MEI4: variants seen among roughly 807,000 people sequenced by gnomAD.
MEI4 encodes the protein meiotic double-stranded break formation protein 4.
Under a neutral mutation model 31.4 loss-of-function variants are expected in MEI4, and 27 were observed. The ratio of observed to expected loss-of-function variants is 0.86; its 90% confidence interval spans 0.63 to 1.19. MEI4 has a LOEUF of 1.19. MEI4 is among the 50% of genes most tolerant of loss of function. The pLI is 0.00. For synonymous variants in MEI4, 122 were observed against 145.4 expected (o/e 0.84, Z 1.16); for missense variants, 329 against 398.9 (o/e 0.82, Z 1.49).
At chr6:77,776,727 T>C (rs1366761926) in intron 3 of MEI4, among the ~76,000 whole-genome samples, 2 of 152,124 alleles carry the variant, frequency 1.3e-5, no homozygotes, top group Non-Finnish European at 2.9e-5. Flanking sequence ...TCCAATGATA[T>C]GAGTCAGTGC....
At chr6:77,879,562 T>C (rs953754177) in intron 4 of MEI4, among the ~76,000 whole-genome samples, 1 of 152,220 alleles carries the variant, frequency 6.6e-6, no homozygotes, top group Admixed American at 6.5e-5. Context: ...TTCATAACTA[T>C]GGTATGGCAA....
chr6:77,910,378 A>G (rs1000270915), intron 4 of MEI4, among the ~76,000 whole-genome samples: 8 of 152,222 alleles, frequency 5.3e-5, no homozygotes, highest in South Asian at 2.1e-4. Flanking sequence ...TTCAAAATCA[A>G]TGTGCAAAAA....
At chr6:77,837,575 C>T (rs1310921124) in intron 4 of MEI4, among the ~76,000 whole-genome samples, 1 of 152,144 alleles carries the variant, frequency 6.6e-6, no homozygotes, top group Non-Finnish European at 1.5e-5. Context: ...TCTGGCTTGC[C>T]ACCTGCTTTT....
At chr6:77,836,412 T>C (rs1770219985) in intron 4 of MEI4, among the ~76,000 whole-genome samples, 1 of 152,150 alleles carries the variant, frequency 6.6e-6, no homozygotes, top group Non-Finnish European at 1.5e-5. Context: ...AAATTCTACA[T>C]TAAAATAGAT....
chr6:77,922,124 T>C (rs1323211253), intron 4 of MEI4, among the ~76,000 whole-genome samples: 1 of 151,716 alleles, frequency 6.6e-6, no homozygotes, highest in African/African-American at 2.4e-5. Flanking sequence ...TATCTTACTC[T>C]GCTTATTGGG....
chr6:77,844,997 C>T (rs954438631), intron 4 of MEI4, among the ~76,000 whole-genome samples: 5 of 151,992 alleles, frequency 3.3e-5, no homozygotes, highest in African/African-American at 9.7e-5. Flanking sequence ...TTCACTTTCT[C>T]CCATTCACTG....
intron 3 of MEI4, among the ~76,000 whole-genome samples, chr6:77,795,776 A>AAC (rs1195605281): frequency 1.3e-5 from 2 of 151,862 alleles, no homozygotes; most frequent in Non-Finnish European, 2.9e-5. Flanking sequence ...GAAAAAAAAA[A>AAC]AACTCCCAAC....
chr6:77,709,677 A>T (rs1766413370), intron 2 of MEI4, among the ~76,000 whole-genome samples: 2 of 152,222 alleles, frequency 1.3e-5, no homozygotes, highest in African/African-American at 4.8e-5. Flanking sequence ...CTAATAAAAA[A>T]TACCTTCTTT....
At chr6:77,859,329 C>T (rs867584247) in intron 4 of MEI4, among the ~76,000 whole-genome samples, 15 of 152,088 alleles carry the variant, frequency 9.9e-5, no homozygotes, top group Non-Finnish European at 1.9e-4. Flanking sequence ...AATAAACATA[C>T]GTGTGCATGT....
chr6:77,737,164 A>T (rs1450308945), intron 2 of MEI4, among the ~76,000 whole-genome samples: 1 of 152,212 alleles, frequency 6.6e-6, no homozygotes, highest in South Asian at 2.1e-4. Context: ...GGGAAACTTA[A>T]TATTTATTGA....
intron 4 of MEI4, among the ~76,000 whole-genome samples, chr6:77,915,409 T>A (rs1214377401): frequency 6.6e-6 from 1 of 152,066 alleles, no homozygotes; most frequent in African/African-American, 2.4e-5. Flanking sequence ...GGGTATGTTA[T>A]TCTTGACTGG....
intron 4 of MEI4, among the ~76,000 whole-genome samples, chr6:77,915,587 C>T (rs1425110277): frequency 4.0e-5 from 6 of 151,816 alleles, no homozygotes; most frequent in Non-Finnish European, 8.8e-5. Flanking sequence ...ACAGTTTTAT[C>T]GGATATAAGT....
At chr6:77,658,543 G>C (rs1409524217) in intron 1 of MEI4, among the ~76,000 whole-genome samples, 3 of 152,056 alleles carry the variant, frequency 2.0e-5, no homozygotes, top group African/African-American at 7.2e-5. Context: ...GGGTGGTATG[G>C]AGAGAGAGTG....
intron 4 of MEI4, among the ~76,000 whole-genome samples, chr6:77,846,123 C>A (rs973982888): frequency 3.3e-5 from 5 of 150,410 alleles, no homozygotes; most frequent in Admixed American, 3.3e-4. Context: ...TTTGTTTTTT[C>A]TTTTTTTGAG....
intron 3 of MEI4, among the ~76,000 whole-genome samples, chr6:77,774,868 A>G (rs1256458947): frequency 6.6e-6 from 1 of 152,044 alleles, no homozygotes; most frequent in East Asian, 1.9e-4. Flanking sequence ...GTGCCTTAAA[A>G]CAACAGAAAT....
Position 77,761,285 on chromosome 6 carries a change from T to G in MEI4, c.388T>G (p.Phe130Val), listed in dbSNP as rs2127682393. ...HFVESCTPTH[F>V]PPLPLVKRPC... is the part of the protein sequence containing the mutation. ...TGTGGAAAGCTGTACCCCCACTCAC[T>G]TTCCACCACTGCCTCTTGTGAAAAG... The change falls in exon 3 of 5, where the codon TTT (phenylalanine) becomes GTT (valine). Residue 130 changes from phenylalanine (F) to valine (V), a missense_variant. Coordinates refer to ENST00000684080, the MANE Select transcript of MEI4 (RefSeq NM_001322247.2). The G allele has an allele frequency of 1.6e-6, 2 of 1,232,628 alleles. No individual in the cohort carries two copies. The highest frequency in any genetic ancestry group is 3.2e-5 in the East Asian group (1 of 31,688). 76.4% of individuals were successfully genotyped at this position (1,232,628 alleles called of 1,614,324 possible). A position where few individuals can be genotyped will look rare whatever the true frequency, so the allele number is the denominator to read the frequency against.
chr6:77,733,673 T>TA (rs1218522031), intron 2 of MEI4, among the ~76,000 whole-genome samples: 1 of 151,946 alleles, frequency 6.6e-6, no homozygotes, highest in Non-Finnish European at 1.5e-5. Context: ...CTGCTAGCTT[T>TA]TGAATACGTT....
intron 1 of MEI4, among the ~76,000 whole-genome samples, chr6:77,672,986 A>G (rs1031294354): frequency 6.6e-6 from 1 of 152,226 alleles, no homozygotes; most frequent in African/African-American, 2.4e-5. Context: ...AACTTTAATA[A>G]CAGCAATCAT....
At chr6:77,907,405 G>A (rs1766321499) in intron 4 of MEI4, among the ~76,000 whole-genome samples, 1 of 152,028 alleles carries the variant, frequency 6.6e-6, no homozygotes, top group African/African-American at 2.4e-5. Flanking sequence ...TTTTGTCCTT[G>A]TGATAGTTTG....
Sources: allele counts gnomAD v4.1 joint callset (sites outside exome capture counted in the v4.1 genomes callset), GRCh38; gene constraint gnomAD v4.1.1; transcripts MANE v1.5; gene names NCBI Gene and HGNC (gene_info 2026-07-23, HGNC 2026-07-21).